The following SEMA4D variants were observed in gnomAD, a reference collection of about 807,000 sequenced individuals.
The protein encoded by SEMA4D is semaphorin 4D.
In SEMA4D, 22 loss-of-function variants were observed where a neutral mutation model predicts 74.8. That is an observed-to-expected ratio of 0.29 (90% confidence interval 0.21 to 0.42). The LOEUF is 0.42. Ranked by LOEUF, SEMA4D falls within the 10% of genes least tolerant of loss-of-function variation. The pLI is 1.00. For missense variants in SEMA4D, 937 were observed against 1,118.4 expected (o/e 0.84, Z 2.31); for synonymous variants, 445 against 463.7 (o/e 0.96, Z 0.52).
At chr9:89,467,010 A>G (rs1858901062) in intron 1 of SEMA4D, among the ~76,000 whole-genome samples, 1 of 152,226 alleles carries the variant, frequency 6.6e-6, no homozygotes, top group Admixed American at 6.5e-5. Context: ...AACCTCCCAG[A>G]AAGAAACTGA....
chr9:89,437,970 G>A lies in SEMA4D; in HGVS notation c.-244+17918C>T, dbSNP rs59222300. The stretch of plus-strand genomic sequence containing the variant: ...AGTGCCATCTGGCACCAGGCTCTGC[G>A]CCCTTCTCGCTGGAAGATTTCTAAT... On this transcript the variant is annotated intron_variant, in intron 2 of 15. Transcript: ENST00000422704. Among the ~76,000 whole-genome samples, 903 of 152,322 alleles carry A rather than the reference G, an allele frequency of 5.9e-3. 9 individuals carry two copies. The highest frequency in any genetic ancestry group is 0.02 in the African/African-American group (847 of 41,556).
At chr9:89,417,036 G>C (rs777396855) in intron 2 of SEMA4D, among the ~76,000 whole-genome samples, 9 of 152,082 alleles carry the variant, frequency 5.9e-5, no homozygotes, top group Non-Finnish European at 1.0e-4. Flanking sequence ...CAGTCCTCCT[G>C]GGCTCTCACA....
chr9:89,420,465 T>C (rs995365794), intron 2 of SEMA4D, among the ~76,000 whole-genome samples: 12 of 152,350 alleles, frequency 7.9e-5, no homozygotes, highest in Non-Finnish European at 1.5e-4. Flanking sequence ...GAGAGAAGCA[T>C]TTCCCTCTCA....
chr9:89,370,455 GGT>G (rs1834398107), intron 16 of SEMA4D, among the ~76,000 whole-genome samples: 3 of 149,580 alleles, frequency 2.0e-5, no homozygotes, highest in African/African-American at 7.4e-5. Flanking sequence ...GTGGTATGTA[GGT>G]GTGTGTCTGG....
At chr9:89,487,381 C>T (rs1825275570) in intron 1 of SEMA4D, among the ~76,000 whole-genome samples, 1 of 152,022 alleles carries the variant, frequency 6.6e-6, no homozygotes, top group Non-Finnish European at 1.5e-5. Flanking sequence ...AAACTTCCAC[C>T]GCCTTGTAAA....
intron 1 of SEMA4D, among the ~76,000 whole-genome samples, chr9:89,480,739 C>T (rs1259304877): frequency 2.6e-5 from 4 of 152,242 alleles, no homozygotes; most frequent in Non-Finnish European, 5.9e-5. Context: ...CCCACGCCCA[C>T]CCGGAACTCC....
chr9:89,434,978 AG>A (rs147251241), intron 2 of SEMA4D, among the ~76,000 whole-genome samples: 2,585 of 152,324 alleles, frequency 0.017, 76 homozygotes, highest in East Asian at 0.1. Context: ...TTTTAGGTGA[AG>A]CCTTTGAATG....
chr9:89,445,998 C>A (rs2135269783), intron 2 of SEMA4D, among the ~76,000 whole-genome samples: 1 of 152,304 alleles, frequency 6.6e-6, no homozygotes, highest in Non-Finnish European at 1.5e-5. Context: ...CCTTCCAGGC[C>A]CTGCCATGTG....
At chr9:89,427,326 G>A (rs918909685) in intron 2 of SEMA4D, among the ~76,000 whole-genome samples, 2 of 152,130 alleles carry the variant, frequency 1.3e-5, no homozygotes, top group Non-Finnish European at 2.9e-5. Flanking sequence ...CCAAATAGCC[G>A]TAGATGCCAG....
chr9:89,410,585 A>G (rs1844308463), intron 2 of SEMA4D, among the ~76,000 whole-genome samples: 1 of 152,202 alleles, frequency 6.6e-6, no homozygotes, highest in Non-Finnish European at 1.5e-5. Flanking sequence ...AAAAAAGGGG[A>G]ACAGACAACT....
chr9:89,363,983 C>T (rs770005777), intron 16 of SEMA4D: 36 of 1,613,792 alleles, frequency 2.2e-5, no homozygotes, highest in Non-Finnish European at 2.9e-5. Flanking sequence ...CCTCTGAGTC[C>T]ACATTTAGGA....
At chr9:89,412,636 T>C (rs1441223731) in intron 2 of SEMA4D, among the ~76,000 whole-genome samples, 1 of 152,122 alleles carries the variant, frequency 6.6e-6, no homozygotes, top group Non-Finnish European at 1.5e-5. Flanking sequence ...CGGATTTATA[T>C]CCAGGTCTGC....
At chr9:89,464,002 C>T (rs763055202) in intron 1 of SEMA4D, among the ~76,000 whole-genome samples, 5 of 151,710 alleles carry the variant, frequency 3.3e-5, no homozygotes, top group Non-Finnish European at 5.9e-5. Context: ...CCCTTGCAGT[C>T]ATGGGGGCAC....
At chr9:89,454,764 A>G (rs1408893722) in intron 2 of SEMA4D, among the ~76,000 whole-genome samples, 1 of 152,194 alleles carries the variant, frequency 6.6e-6, no homozygotes, top group Non-Finnish European at 1.5e-5. Flanking sequence ...GCACAAGGAC[A>G]TGTCCCATGC....
At chr9:89,465,607 T>C (rs1329844596) in intron 1 of SEMA4D, among the ~76,000 whole-genome samples, 1 of 152,230 alleles carries the variant, frequency 6.6e-6, no homozygotes, top group Non-Finnish European at 1.5e-5. Context: ...TATGATTAAC[T>C]TTATGTTATG....
chr9:89,430,742 C>T (rs575283460), intron 2 of SEMA4D, among the ~76,000 whole-genome samples: 2 of 152,308 alleles, frequency 1.3e-5, no homozygotes, highest in Non-Finnish European at 2.9e-5. Context: ...TTTGGGAGGC[C>T]AAGGCGGGCA....
intron 2 of SEMA4D, among the ~76,000 whole-genome samples, chr9:89,442,263 C>A (rs1851835670): frequency 6.6e-6 from 1 of 152,214 alleles, no homozygotes; most frequent in Non-Finnish European, 1.5e-5. Context: ...ACCACGGCTG[C>A]CACGAGGGTG....
At chr9:89,411,518 T>C (rs935028509) in intron 2 of SEMA4D, among the ~76,000 whole-genome samples, 17 of 152,168 alleles carry the variant, frequency 1.1e-4, no homozygotes, top group Non-Finnish European at 2.5e-4. Context: ...GTGAAAATAG[T>C]TGAAACTCAG....
In SEMA4D at chr9:89,458,480, CTGCCACACACA is replaced by C. The variant is rs538536819; in HGVS notation, c.-309-2538_-309-2528del. ...TTCCTGGGCCCACCTAAAAGACTGC[CTGCCACACACA>C]TGCCACACACATGCCACAAACATGC... is the stretch of plus-strand genomic sequence containing the variant. On this transcript the variant is annotated intron_variant, in intron 1 of 15. Transcript: ENST00000422704. Among the ~76,000 whole-genome samples, 482 of 152,194 alleles carry C rather than the reference CTGCCACACACA, an allele frequency of 3.2e-3. 1 individual carries two copies. Among genetic ancestry groups the C allele is most frequent in the Non-Finnish European group, 5.3e-3 (360 of 67,978 alleles).
Sources: gnomAD v4.1 joint callset for allele counts (sites outside exome capture counted in the v4.1 genomes callset) on GRCh38, gnomAD v4.1.1 for gene constraint, MANE v1.5 for transcripts, NCBI Gene and HGNC (gene_info 2026-07-23, HGNC 2026-07-21) for gene names.